WDR49: variants seen among roughly 807,000 people sequenced by gnomAD.
WDR49 encodes the protein WD repeat domain 49.
A neutral mutation model predicts 119.5 loss-of-function variants in WDR49; 107 were observed. That is an observed-to-expected ratio of 0.90 (90% confidence interval 0.77 to 1.05). WDR49 has a LOEUF of 1.05. Among genes scored for constraint, WDR49 ranks in the 50% least tolerant of loss-of-function variants. WDR49 has a pLI of 0.00. For missense variants in WDR49, 1,240 were observed against 1,220.5 expected, an observed-to-expected ratio of 1.02 and a Z score of -0.24; for synonymous variants, 425 against 418.8, an observed-to-expected ratio of 1.01 and a Z score of -0.18.
intron 12 of WDR49, among the ~76,000 whole-genome samples, chr3:167,532,072 T>G (rs568593728): frequency 6.6e-6 from 1 of 152,258 alleles, no homozygotes; most frequent in East Asian, 1.9e-4. Flanking sequence ...GTCAGAGCTT[T>G]GTGTTTGCAA....
intron 2 of WDR49, among the ~76,000 whole-genome samples, chr3:167,627,495 C>CTCAATCACAAAAAG: frequency 6.6e-6 from 1 of 152,146 alleles, no homozygotes; most frequent in East Asian, 1.9e-4. Flanking sequence ...AACTGACATT[C>CTCAATCACAAAAAG]TCAATCACAA....
chr3:167,601,762 T>C (rs139563242), intron 7 of WDR49, among the ~76,000 whole-genome samples: 1 of 152,294 alleles, frequency 6.6e-6, no homozygotes, highest in Non-Finnish European at 1.5e-5. Context: ...AGCAATAATA[T>C]TTAATTGCCT....
At chr3:167,630,825 A>T (rs796468647) in intron 2 of WDR49, among the ~76,000 whole-genome samples, 4 of 152,206 alleles carry the variant, frequency 2.6e-5, no homozygotes, top group South Asian at 4.1e-4. Flanking sequence ...CTGTTGAAAG[A>T]CATCTTATTT....
intron 8 of WDR49, among the ~76,000 whole-genome samples, chr3:167,566,194 T>A (rs1713586819): frequency 6.6e-6 from 1 of 152,180 alleles, no homozygotes; most frequent in African/African-American, 2.4e-5. Flanking sequence ...TTCGTCAAGA[T>A]TACAGATGTA....
At chr3:167,645,750 C>T (rs1030482680) in intron 2 of WDR49, among the ~76,000 whole-genome samples, 5 of 152,140 alleles carry the variant, frequency 3.3e-5, no homozygotes, top group African/African-American at 1.2e-4. Flanking sequence ...CATCTCATGG[C>T]CTCTCTCCTC....
At chr3:167,506,460 T>C (rs915762884) in intron 16 of WDR49, among the ~76,000 whole-genome samples, 11 of 152,234 alleles carry the variant, frequency 7.2e-5, no homozygotes, top group African/African-American at 2.4e-4. Flanking sequence ...GATTTTAAAA[T>C]ATCAATACAA....
intron 18 of WDR49, among the ~76,000 whole-genome samples, chr3:167,497,937 G>A (rs556286784): frequency 6.8e-6 from 1 of 147,630 alleles, no homozygotes; most frequent in Admixed American, 6.8e-5. Context: ...CACCTTCCGA[G>A]TTCAAGAGAT....
chr3:167,511,139 T>C (rs1751955433), intron 16 of WDR49, among the ~76,000 whole-genome samples: 1 of 152,206 alleles, frequency 6.6e-6, no homozygotes, highest in African/African-American at 2.4e-5. Flanking sequence ...TGCAAAGGAT[T>C]CCTGATCATA....
chr3:167,599,039 C>T (rs1715634022), intron 7 of WDR49, among the ~76,000 whole-genome samples: 1 of 152,146 alleles, frequency 6.6e-6, no homozygotes, highest in Non-Finnish European at 1.5e-5. Flanking sequence ...AGATATGAAG[C>T]CAGCACAGCA....
chr3:167,580,128 G>A (rs974850528), intron 7 of WDR49, among the ~76,000 whole-genome samples: 1 of 152,066 alleles, frequency 6.6e-6, no homozygotes, highest in Non-Finnish European at 1.5e-5. Flanking sequence ...CTTGTTGTTA[G>A]CAATTAAAAC....
chr3:167,587,334 A>G (rs1276421997), intron 7 of WDR49, among the ~76,000 whole-genome samples: 3 of 152,188 alleles, frequency 2.0e-5, no homozygotes, highest in Non-Finnish European at 4.4e-5. Flanking sequence ...GGGCATCATA[A>G]AAGGTTTCAC....
At chr3:167,479,990 G>A (rs1269479272) in intron 18 of WDR49, among the ~76,000 whole-genome samples, 1 of 151,974 alleles carries the variant, frequency 6.6e-6, no homozygotes, top group Non-Finnish European at 1.5e-5. Flanking sequence ...CAGCAATTTG[G>A]GAGGCCGAGG....
chr3:167,549,875 G>T (rs1348934952), intron 10 of WDR49, among the ~76,000 whole-genome samples: 1 of 152,102 alleles, frequency 6.6e-6, no homozygotes, highest in Non-Finnish European at 1.5e-5. Flanking sequence ...TTTGTATAAG[G>T]TGTAAGGAAG....
chr3:167,554,722 A>C lies in WDR49; in HGVS notation c.1751T>G (p.Leu584Arg). The change falls in exon 10 of 19, where the codon CTC becomes CGC. Residue 584 changes from leucine (L) to arginine (R), a missense_variant. By Grantham distance (102) the Leu-to-Arg change is moderately radical. Coordinates refer to ENST00000682715, the MANE Select transcript of WDR49 (RefSeq NM_001366157.1). Reference protein sequence around the residue: ...QDGAVDISQILILKKKILVTG... With the variant: ...QDGAVDISQIRILKKKILVTG... ...AACCAGTATTTTCTTCTTAAGAATG[A>C]GGATTTGTGAAATATCCACAGCTCC... 6.2e-7 allele frequency: 1 copy of C among 1,613,530 alleles called. No individual in the cohort carries two copies. The highest frequency in any genetic ancestry group is 8.5e-7 in the Non-Finnish European group (1 of 1,179,714).
chr3:167,505,200 G>A, intron 17 of WDR49, 107 bp downstream of exon 17: 1 of 1,240,908 alleles, frequency 8.1e-7, no homozygotes, highest in African/African-American at 1.6e-5. Context: ...TTACATTCAT[G>A]TTTATTAAGG....
intron 10 of WDR49, among the ~76,000 whole-genome samples, chr3:167,543,519 A>C (rs1711969047): frequency 6.6e-6 from 1 of 152,134 alleles, no homozygotes; most frequent in African/African-American, 2.4e-5. Flanking sequence ...ACATCACATA[A>C]ACAGAATTAA....
At chr3:167,617,751 C>T (rs1385681883) in intron 5 of WDR49, among the ~76,000 whole-genome samples, 2 of 152,048 alleles carry the variant, frequency 1.3e-5, no homozygotes, top group African/African-American at 4.8e-5. Context: ...GATGGCTTAC[C>T]ATTCCACATT....
intron 10 of WDR49, among the ~76,000 whole-genome samples, chr3:167,550,640 C>T (rs1169695110): frequency 6.6e-6 from 1 of 151,780 alleles, no homozygotes; most frequent in Non-Finnish European, 1.5e-5. Flanking sequence ...CAAGACATCA[C>T]CTTGTATACT....
At chr3:167,633,434 A>G in intron 2 of WDR49, 1 of 456,188 alleles carries the variant, frequency 2.2e-6, no homozygotes, top group Non-Finnish European at 4.4e-6. Flanking sequence ...TGGCTCTTTC[A>G]CATATACAAG....
Sources: gnomAD v4.1 joint callset for allele counts (sites outside exome capture counted in the v4.1 genomes callset) on GRCh38, gnomAD v4.1.1 for gene constraint, MANE v1.5 for transcripts, NCBI Gene and HGNC (gene_info 2026-07-23, HGNC 2026-07-21) for gene names.